KCTD15: variants seen among roughly 807,000 people sequenced by gnomAD.
The protein encoded by KCTD15 is BTB/POZ domain-containing protein KCTD15.
A neutral mutation model predicts 27.2 loss-of-function variants in KCTD15; 11 were observed. The observed-to-expected ratio is 0.41, with a 90% CI of 0.25 to 0.67. The LOEUF is 0.67. Among genes scored for constraint, KCTD15 ranks in the 30% least tolerant of loss-of-function variants. KCTD15 has a pLI of 0.35. For missense variants in KCTD15, 350 were observed against 409.3 expected, an observed-to-expected ratio of 0.86 and a Z score of 1.25; for synonymous variants, 163 against 176.0, an observed-to-expected ratio of 0.93 and a Z score of 0.58.
intron 4 of KCTD15, among the ~76,000 whole-genome samples, chr19:33,803,222 G>A (rs1975613558): frequency 6.6e-6 from 1 of 152,220 alleles, no homozygotes; most frequent in African/African-American, 2.4e-5. Context: ...GGCCAGGGAT[G>A]GCTGACCTGC....
chr19:33,797,329 C>T, intron 1 of KCTD15: 1 of 428,144 alleles, frequency 2.3e-6, no homozygotes, highest in Non-Finnish European at 4.7e-6. Flanking sequence ...CACTCTGGCC[C>T]CTGTTCTGGG....
At chr19:33,806,141 C>G (rs1445929198) in intron 4 of KCTD15, among the ~76,000 whole-genome samples, 1 of 152,198 alleles carries the variant, frequency 6.6e-6, no homozygotes, top group African/African-American at 2.4e-5. Context: ...TGTGCAAGGG[C>G]CCTGTTGCAT....
intron 4 of KCTD15, among the ~76,000 whole-genome samples, chr19:33,805,019 A>G (rs1975670112): frequency 1.3e-5 from 2 of 151,902 alleles, no homozygotes; most frequent in South Asian, 2.1e-4. Context: ...CCTCAAACGC[A>G]TGGACTCAAG....
chr19:33,794,404 A>G (rs189821124), upstream of KCTD15, among the ~76,000 whole-genome samples: 7 of 152,382 alleles, frequency 4.6e-5, no homozygotes, highest in African/African-American at 1.4e-4. Flanking sequence ...GTGGCTTCCT[A>G]AAACAGTTTC....
chr19:33,809,042 C>T (rs1004531583), intron 5 of KCTD15, among the ~76,000 whole-genome samples: 4 of 151,964 alleles, frequency 2.6e-5, no homozygotes, highest in Non-Finnish European at 5.9e-5. Flanking sequence ...TTTGGGAGGC[C>T]GATTTAGGTG....
intron 5 of KCTD15, among the ~76,000 whole-genome samples, chr19:33,809,437 G>T (rs1265980601): frequency 6.6e-6 from 1 of 152,208 alleles, no homozygotes; most frequent in Non-Finnish European, 1.5e-5. Context: ...ATTCTGAGTT[G>T]GTAAGTTGAG....
chr19:33,803,719 T>C (rs921524155), intron 4 of KCTD15, among the ~76,000 whole-genome samples: 2 of 151,948 alleles, frequency 1.3e-5, no homozygotes, highest in African/African-American at 4.8e-5. Flanking sequence ...CCCCGTTAGC[T>C]GCCGCCATCA....
intron 4 of KCTD15, 155 bp downstream of exon 4, chr19:33,801,497 G>A: frequency 1.6e-6 from 1 of 619,256 alleles, no homozygotes; most frequent in Non-Finnish European, 2.7e-6. Flanking sequence ...CTAGGGTTGG[G>A]GAGTCCAAGT....
At chr19:33,796,276 G>A (rs567544520), upstream of KCTD15, 9 of 150,440 alleles carry the variant, frequency 6.0e-5, no homozygotes, top group East Asian at 1.2e-3. Flanking sequence ...CCGGCGGGGG[G>A]CGGGGGGCTG....
chr19:33,801,461 G>A lies in KCTD15; in HGVS notation c.242+119G>A, dbSNP rs1975543483. ...CTCCACCCACCAGGGTCTCCAGGGT[G>A]CACAAGCTGACACAGCCTGAGGGAG... On this transcript the variant is annotated intron_variant, in intron 4 of 6. Transcript: ENST00000683859. The A allele has an allele frequency of 1.2e-5, 11 of 883,256 alleles. No homozygotes were observed. In the East Asian group the frequency reaches 3.1e-4, roughly 25 times the overall value. The allele number at this position is 883,256 out of a possible 1,614,324, so 54.7% of individuals were successfully genotyped here.
chr19:33,800,563 C>T, intron 3 of KCTD15, 43 bp downstream of exon 3: 3 of 1,529,344 alleles, frequency 2.0e-6, no homozygotes, highest in Non-Finnish European at 2.7e-6. Flanking sequence ...GGAGTTCCCT[C>T]TTTCCCTTCT....
chr19:33,807,673 T>C (rs900554081), intron 5 of KCTD15, among the ~76,000 whole-genome samples: 5 of 152,102 alleles, frequency 3.3e-5, no homozygotes, highest in African/African-American at 1.2e-4. Context: ...TGGGCCGAGA[T>C]TGCGCCACTG....
chr19:33,803,260 G>A (rs1975615769), intron 4 of KCTD15, among the ~76,000 whole-genome samples: 1 of 152,252 alleles, frequency 6.6e-6, no homozygotes, highest in East Asian at 1.9e-4. Flanking sequence ...GGAGGCCAGG[G>A]GGCCTGAGAA....
chr19:33,813,848 G>C lies in KCTD15; in HGVS notation c.*900G>C, dbSNP rs1389940995. ...TCCCCAGCTCAGGGAGCCATCCCCA[G>C]CTCCAGTTTTCTCATGCGAATATGC... is the stretch of plus-strand genomic sequence containing the variant. On this transcript the variant is annotated 3_prime_UTR_variant, in exon 7 of 7. Transcript: ENST00000683859. 2 of 157,610 alleles carry C rather than the reference G, an allele frequency of 1.3e-5. No individual in the cohort carries two copies. Among genetic ancestry groups the C allele is most frequent in the African/African-American group, 2.4e-5 (1 of 41,482 alleles). The allele number at this position is 157,610 out of a possible 1,614,324, so 9.8% of individuals were successfully genotyped here.
chr19:33,795,120 A>G (rs183201520), upstream of KCTD15, among the ~76,000 whole-genome samples: 963 of 152,386 alleles, frequency 6.3e-3, 10 homozygotes, highest in African/African-American at 0.022. Flanking sequence ...GCATCTTTGT[A>G]AGCTATTTAA....
intron 4 of KCTD15, among the ~76,000 whole-genome samples, chr19:33,802,159 G>A (rs966793992): frequency 2.6e-4 from 40 of 152,218 alleles, no homozygotes; most frequent in African/African-American, 6.5e-4. Context: ...GGGCTGACCC[G>A]AGTAGGGTGG....
At position 33,811,274 on chromosome 19, in the gene KCTD15, C is replaced by T. The variant is rs1292961261; in HGVS notation, c.415C>T (p.Arg139Cys). ...KDFSLLYEEARYYQLQPMVRE... is the reference protein window; with the variant it reads ...KDFSLLYEEACYYQLQPMVRE... ...CTTCAGTCTGCTGTACGAGGAGGCGCGCTACTATCAGCTCCAGCCCATGGT... is the reference window on the plus strand; with the variant it reads ...CTTCAGTCTGCTGTACGAGGAGGCGTGCTACTATCAGCTCCAGCCCATGGT... Residue 139 changes from arginine to cysteine, a missense_variant, in exon 6 of 7, where the codon CGC becomes TGC. Coordinates refer to ENST00000683859, the MANE Select transcript of KCTD15 (RefSeq NM_001129994.2). 2.0e-6 allele frequency: 3 copies of T among 1,534,228 alleles called. No individual in the cohort carries two copies. Among genetic ancestry groups the T allele is most frequent in the East Asian group, 4.9e-5 (2 of 40,614 alleles).
intron 5 of KCTD15, among the ~76,000 whole-genome samples, chr19:33,808,732 G>A (rs924806029): frequency 1.3e-5 from 2 of 152,132 alleles, no homozygotes; most frequent in Admixed American, 6.5e-5. Context: ...GGGGGTGGGT[G>A]CAGTGAGGCA....
At chr19:33,803,197 A>T (rs1286110049) in intron 4 of KCTD15, among the ~76,000 whole-genome samples, 1 of 152,144 alleles carries the variant, frequency 6.6e-6, no homozygotes, top group East Asian at 1.9e-4. Flanking sequence ...TGTAGGCCTG[A>T]AGCTTTGGAC....
Sources: gnomAD v4.1 joint callset for allele counts (sites outside exome capture counted in the v4.1 genomes callset) on GRCh38, gnomAD v4.1.1 for gene constraint, MANE v1.5 for transcripts, NCBI Gene and HGNC (gene_info 2026-07-23, HGNC 2026-07-21) for gene names.